The following PCDHGA2 variants were observed in gnomAD, a reference collection of about 807,000 sequenced individuals.
PCDHGA2 encodes the protein protocadherin gamma subfamily A, 2, also known as protocadherin gamma-A2.
Under a neutral mutation model 59.2 loss-of-function variants are expected in PCDHGA2, and 40 were observed. That is an observed-to-expected ratio of 0.68 (90% CI 0.52 to 0.88). The LOEUF is 0.88. PCDHGA2 is among the 40% of genes least tolerant of loss of function. The pLI, the probability that PCDHGA2 is intolerant of heterozygous loss-of-function variation, is 0.00. For missense variants in PCDHGA2, 1,226 were observed against 1,204.0 expected (o/e 1.02, Z -0.27); for synonymous variants, 560 against 526.0 (o/e 1.06, Z -0.89).
chr5:141,345,383 C>A (rs763946038), intron 1 of PCDHGA2: 7 of 1,614,114 alleles, frequency 4.3e-6, no homozygotes, highest in Non-Finnish European at 5.1e-6. Flanking sequence ...ACAACCCACC[C>A]ACCTTCCCTC....
In PCDHGA2 at chr5:141,398,940, G is replaced by C. The variant is rs781438773; in HGVS notation, c.2424+57545G>C. 6.2e-7 allele frequency: 1 copy of C among 1,613,944 alleles called. No individual in the cohort carries two copies. Among genetic ancestry groups the C allele is most frequent in the Middle Eastern group, 1.7e-4 (1 of 6,060 alleles). ...AAGTGTCAGCCACTGACCAAGACGAGGGCATCAACTCAGAAATTACTTATT... is the reference window on the plus strand; with the variant it reads ...AAGTGTCAGCCACTGACCAAGACGACGGCATCAACTCAGAAATTACTTATT... On this transcript the variant is annotated intron_variant, in intron 1 of 3. Transcript: ENST00000394576.
intron 1 of PCDHGA2, chr5:141,415,739 G>GGT (rs2095908308): frequency 2.3e-6 from 1 of 434,538 alleles, no homozygotes; most frequent in East Asian, 5.9e-5. Context: ...TGTTTATTAA[G>GGT]GTTTTTTTTT....
At chr5:141,400,302 T>A (rs7701363) in intron 1 of PCDHGA2, 1 of 1,614,082 alleles carries the variant, frequency 6.2e-7, no homozygotes, top group African/African-American at 1.3e-5. Context: ...GCTTCCAACC[T>A]GGTCTCTGTG....
chr5:141,483,870 G>C (rs548525439), intron 1 of PCDHGA2, among the ~76,000 whole-genome samples: 9 of 152,142 alleles, frequency 5.9e-5, no homozygotes, highest in Non-Finnish European at 1.3e-4. Context: ...TCCAGATCAG[G>C]ATGGATTTTT....
rs1399250599 is a variant in PCDHGA2, at chr5:141,476,902, C to A, written c.2425-17905C>A. On this transcript the variant is annotated intron_variant, in intron 1 of 3. Coordinates refer to ENST00000394576, the MANE Select transcript of PCDHGA2 (RefSeq NM_018915.4). The surrounding 1 kb of genome is among the most constrained non-coding windows in gnomAD (Gnocchi z 7.6). ...TGGAGGATGCACCCTCCGGCACGCG[C>A]GTGGTACAAGTCCTTGCAACGGATC... 5 of 1,613,880 alleles carry A rather than the reference C, an allele frequency of 3.1e-6. No individual in the cohort carries two copies. Among genetic ancestry groups the A allele is most frequent in the South Asian group, 1.1e-5 (1 of 91,090 alleles).
chr5:141,498,002 C>T (rs1442305270), intron 2 of PCDHGA2, among the ~76,000 whole-genome samples: 2 of 152,178 alleles, frequency 1.3e-5, no homozygotes, highest in East Asian at 1.9e-4. Flanking sequence ...AAGGAGTTTA[C>T]AGTGCACTGA....
Position 141,511,256 on chromosome 5 carries a change from TTCAGGGC to T in PCDHGA2, c.*85_*91del. 6.4e-7 allele frequency: 1 copy of T among 1,563,506 alleles called. No individual in the cohort carries two copies. Among genetic ancestry groups the T allele is most frequent in the Non-Finnish European group, 8.7e-7 (1 of 1,154,422 alleles). The stretch of plus-strand genomic sequence containing the variant: ...CTTACCTGCACCCAGGCCTCAGAGT[TTCAGGGC>T]TAACCCCCAGAATACTGGTAGGGGC... On this transcript the variant is annotated 3_prime_UTR_variant, in exon 4 of 4. Coordinates refer to ENST00000394576, the MANE Select transcript of PCDHGA2 (RefSeq NM_018915.4).
intron 1 of PCDHGA2, chr5:141,475,916 G>C (rs1396506642): frequency 1.7e-6 from 1 of 595,408 alleles, no homozygotes; most frequent in Non-Finnish European, 2.9e-6. Flanking sequence ...CAATGAAGAC[G>C]CTGGAGATCG....
chr5:141,427,319 G>T (rs1184530487), intron 1 of PCDHGA2: 4 of 456,958 alleles, frequency 8.8e-6, no homozygotes, highest in African/African-American at 8.0e-5. Flanking sequence ...CCCCAGACGT[G>T]GTTTTTACTT....
intron 1 of PCDHGA2, chr5:141,365,776 C>A (rs764374830): frequency 6.2e-7 from 1 of 1,613,892 alleles, no homozygotes; most frequent in East Asian, 2.2e-5. Flanking sequence ...CCGACAGCGG[C>A]GACAACGCTC....
intron 3 of PCDHGA2, among the ~76,000 whole-genome samples, chr5:141,510,531 T>C (rs1459536719): frequency 6.6e-6 from 1 of 152,078 alleles, no homozygotes; most frequent in Non-Finnish European, 1.5e-5. Context: ...CTGAGAGAAA[T>C]ACCAGCGAAT....
chr5:141,375,817 G>A (rs376557886), intron 1 of PCDHGA2: 6 of 1,614,046 alleles, frequency 3.7e-6, no homozygotes, highest in Non-Finnish European at 4.2e-6. Flanking sequence ...TGGAGCTGGC[G>A]CCCCGCTCCG....
At position 141,413,315 on chromosome 5, in the gene PCDHGA2, C is replaced by G. The variant is rs747758921; in HGVS notation, c.2424+71920C>G. The stretch of plus-strand genomic sequence containing the variant: ...ATTCCTGAGGAATTAGAGAAAGGCT[C>G]TTTCGTGGGCAACATCTCCAAGGAC... On this transcript the variant is annotated intron_variant, in intron 1 of 3. Transcript: ENST00000394576. 6 of 1,613,976 alleles carry G rather than the reference C, an allele frequency of 3.7e-6. No individual in the cohort carries two copies. The South Asian group carries it at 5.5e-5, about 15-fold the overall frequency.
intron 1 of PCDHGA2, chr5:141,388,545 C>T (rs1293366202): frequency 6.2e-7 from 1 of 1,613,680 alleles, no homozygotes; most frequent in Non-Finnish European, 8.5e-7. Flanking sequence ...TGGAGCTCCA[C>T]CCCTAAGCAG....
At chr5:141,398,565 A>C in intron 1 of PCDHGA2, 1 of 1,614,040 alleles carries the variant, frequency 6.2e-7, no homozygotes, top group Non-Finnish European at 8.5e-7. Context: ...GTGAGTCTGC[A>C]CAGCCTGGCA....
At chr5:141,505,308 G>A in intron 2 of PCDHGA2, 85 bp from the exon 3 acceptor site, 1 of 1,598,660 alleles carries the variant, frequency 6.3e-7, no homozygotes, top group Non-Finnish European at 8.5e-7. Flanking sequence ...TAGGGTACTA[G>A]GTTTGGGAGC....
chr5:141,463,927 A>G (rs1454864391), intron 1 of PCDHGA2, among the ~76,000 whole-genome samples: 1 of 152,206 alleles, frequency 6.6e-6, no homozygotes, highest in Non-Finnish European at 1.5e-5. Flanking sequence ...AAATCATTCT[A>G]TATAAATTTA....
Position 141,477,531 on chromosome 5 carries a change from C to G in PCDHGA2, c.2425-17276C>G. ...GTTTACATTGAAGAAAACAACCTCC[C>G]CGGGGCTCCAATACTAAACCTAAGT... On this transcript the variant is annotated intron_variant, in intron 1 of 3. Coordinates refer to ENST00000394576, the MANE Select transcript of PCDHGA2 (RefSeq NM_018915.4). This position sits in a 1 kb window ranked among gnomAD's most constrained non-coding sequence, Gnocchi z 4.9. The G allele has an allele frequency of 6.2e-7, 1 of 1,614,162 alleles. No homozygotes were observed. Among genetic ancestry groups the G allele is most frequent in the South Asian group, 1.1e-5 (1 of 91,086 alleles).
At chr5:141,370,392 G>C (rs773955179) in intron 1 of PCDHGA2, 2 of 1,544,790 alleles carry the variant, frequency 1.3e-6, no homozygotes, top group Non-Finnish European at 1.7e-6. Flanking sequence ...CGCAGAGAGC[G>C]GGATGGGAAA....
Sources: gnomAD v4.1 joint callset for allele counts (sites outside exome capture counted in the v4.1 genomes callset) on GRCh38, gnomAD v4.1.1 for gene constraint, Gnocchi (gnomAD v3.1) non-coding constraint, MANE v1.5 for transcripts, NCBI Gene and HGNC (gene_info 2026-07-23, HGNC 2026-07-21) for gene names.